The following NR2F1-AS1 variants were observed in gnomAD, a reference collection of about 807,000 sequenced individuals.
NR2F1-AS1 encodes the protein NR2F1 regulatory antisense RNA 1.
chr5:93,578,623 C>G (rs1313946875), intron 1 of NR2F1-AS1, among the ~76,000 whole-genome samples: 1 of 152,082 alleles, frequency 6.6e-6, no homozygotes, highest in Non-Finnish European at 1.5e-5. Flanking sequence ...CGGTCCGAGT[C>G]CAAGAACCAC....
chr5:93,543,150 A>G (rs1017170556), intron 4 of NR2F1-AS1: 3 of 152,210 alleles, frequency 2.0e-5, no homozygotes, highest in African/African-American at 7.2e-5. Context: ...TATTCCTAAA[A>G]GTTATCTTCA....
At chr5:93,521,805 A>G (rs1751506672) in intron 4 of NR2F1-AS1, among the ~76,000 whole-genome samples, 1 of 152,194 alleles carries the variant, frequency 6.6e-6, no homozygotes, top group Non-Finnish European at 1.5e-5. Context: ...CAGTATGGCG[A>G]TTCCTCAAAC....
chr5:93,496,932 C>G (rs1306345345), intron 4 of NR2F1-AS1, among the ~76,000 whole-genome samples: 2 of 152,170 alleles, frequency 1.3e-5, no homozygotes, highest in Admixed American at 6.5e-5. Flanking sequence ...ACTGTGAATA[C>G]AGAAAACATC....
At chr5:93,439,194 G>C (rs1342605101) in intron 4 of NR2F1-AS1, among the ~76,000 whole-genome samples, 1 of 152,220 alleles carries the variant, frequency 6.6e-6, no homozygotes, top group African/African-American at 2.4e-5. Context: ...CTGATGAAGA[G>C]AATGTGCCAT....
intron 4 of NR2F1-AS1, among the ~76,000 whole-genome samples, chr5:93,498,222 A>G (rs1751006024): frequency 6.6e-6 from 1 of 151,848 alleles, no homozygotes; most frequent in Non-Finnish European, 1.5e-5. Context: ...ACCAAAAGAT[A>G]ATAATAATAA....
chr5:93,561,527 C>T (rs1428687809), intron 2 of NR2F1-AS1, among the ~76,000 whole-genome samples: 5 of 152,044 alleles, frequency 3.3e-5, no homozygotes, highest in African/African-American at 1.2e-4. Context: ...AATCCCAGCA[C>T]TTTGGGAGGC....
intron 4 of NR2F1-AS1, among the ~76,000 whole-genome samples, chr5:93,441,638 C>T (rs2149852190): frequency 6.6e-6 from 1 of 152,302 alleles, no homozygotes; most frequent in South Asian, 2.1e-4. Flanking sequence ...AGTTCTTAAA[C>T]TTGTAGAGCA....
At chr5:93,551,458 T>C (rs1000837964) in intron 4 of NR2F1-AS1, among the ~76,000 whole-genome samples, 2 of 152,104 alleles carry the variant, frequency 1.3e-5, no homozygotes, top group African/African-American at 4.8e-5. Flanking sequence ...TAGCCTGACA[T>C]ATTACTAAAG....
chr5:93,435,425 C>A (rs931396447), intron 4 of NR2F1-AS1, among the ~76,000 whole-genome samples: 1 of 152,152 alleles, frequency 6.6e-6, no homozygotes, highest in African/African-American at 2.4e-5. Flanking sequence ...TATTTCCAAG[C>A]AATGCTTTTA....
chr5:93,499,507 T>C (rs1187572228), intron 4 of NR2F1-AS1, among the ~76,000 whole-genome samples: 1 of 152,152 alleles, frequency 6.6e-6, no homozygotes, highest in East Asian at 1.9e-4. Context: ...TTGTCATTGT[T>C]TGAGGCACCA....
At chr5:93,521,109 G>A (rs899613824) in intron 4 of NR2F1-AS1, among the ~76,000 whole-genome samples, 12 of 152,192 alleles carry the variant, frequency 7.9e-5, no homozygotes, top group South Asian at 2.1e-4. Context: ...ACAAAAACAC[G>A]CAATGGGGAA....
At chr5:93,567,177 T>C (rs1173658838) in intron 1 of NR2F1-AS1, among the ~76,000 whole-genome samples, 2 of 152,138 alleles carry the variant, frequency 1.3e-5, no homozygotes, top group Non-Finnish European at 2.9e-5. Context: ...TATTTGATCC[T>C]GAAATCTGGC....
intron 4 of NR2F1-AS1, among the ~76,000 whole-genome samples, chr5:93,498,601 G>C (rs1319812171): frequency 1.3e-5 from 2 of 151,938 alleles, no homozygotes; most frequent in Non-Finnish European, 2.9e-5. Context: ...AAATCTAGTT[G>C]AAATTTATAA....
chr5:93,559,493 T>C (rs1380066512), intron 2 of NR2F1-AS1, among the ~76,000 whole-genome samples: 2 of 152,254 alleles, frequency 1.3e-5, no homozygotes, highest in East Asian at 3.8e-4. Context: ...AAAAACTTCC[T>C]TTGCTTCCAC....
intron 4 of NR2F1-AS1, among the ~76,000 whole-genome samples, chr5:93,523,528 T>G (rs902960061): frequency 6.6e-6 from 1 of 152,096 alleles, no homozygotes; most frequent in Non-Finnish European, 1.5e-5. Context: ...CTCAAGTGGG[T>G]CCCTGAACCC....
chr5:93,435,604 C>A (rs953146943), intron 4 of NR2F1-AS1, among the ~76,000 whole-genome samples: 1 of 152,166 alleles, frequency 6.6e-6, no homozygotes, highest in African/African-American at 2.4e-5. Flanking sequence ...TGGGTATGCT[C>A]CTGCAGTAGG....
chr5:93,433,412 G>A (rs1488664938), intron 4 of NR2F1-AS1, among the ~76,000 whole-genome samples: 1 of 152,150 alleles, frequency 6.6e-6, no homozygotes, highest in Non-Finnish European at 1.5e-5. Context: ...TGGAGATTAT[G>A]TTGTTAACTC....
upstream of NR2F1-AS1, among the ~76,000 whole-genome samples, chr5:93,582,288 A>G (rs1321485801): frequency 1.4e-5 from 2 of 146,602 alleles, no homozygotes; most frequent in Non-Finnish European, 3.0e-5. Flanking sequence ...AAAAAAAAAG[A>G]AGAAGGAAAA....
At chr5:93,472,201 G>A (rs1750381164) in intron 4 of NR2F1-AS1, among the ~76,000 whole-genome samples, 1 of 151,884 alleles carries the variant, frequency 6.6e-6, no homozygotes, top group South Asian at 2.1e-4. Flanking sequence ...CTGTAATGAT[G>A]AGATTGTTCG....
Sources: gnomAD v4.1 joint callset for allele counts (sites outside exome capture counted in the v4.1 genomes callset) on GRCh38, gnomAD v4.1.1 for gene constraint, MANE v1.5 for transcripts, NCBI Gene and HGNC (gene_info 2026-07-23, HGNC 2026-07-21) for gene names.